GRHL2: variants seen among roughly 807,000 people sequenced by gnomAD.
The protein encoded by GRHL2 is grainyhead-like protein 2 homolog.
Under a neutral mutation model 83.8 loss-of-function variants are expected in GRHL2, and 21 were observed. That is an observed-to-expected ratio of 0.25 (90% CI 0.18 to 0.36). The LOEUF (loss-of-function observed/expected upper bound fraction) is 0.36, where lower values mean the gene tolerates loss of function less well. Ranked by LOEUF, GRHL2 falls within the 10% of genes least tolerant of loss-of-function variation. GRHL2 has a pLI of 1.00. For synonymous variants in GRHL2, 280 were observed against 278.9 expected (o/e 1.00, Z -0.04); for missense variants, 623 against 781.8 (o/e 0.80, Z 2.42).
At chr8:101,673,215 A>T (rs540637789), downstream of GRHL2, among the ~76,000 whole-genome samples, 55 of 152,206 alleles carry the variant, frequency 3.6e-4, no homozygotes, top group Admixed American at 3.2e-3. Flanking sequence ...ATTAACCTTA[A>T]ATGTAAATGG....
chr8:101,614,853 G>A (rs866508620), intron 8 of GRHL2, among the ~76,000 whole-genome samples: 2 of 152,218 alleles, frequency 1.3e-5, no homozygotes, highest in Admixed American at 6.5e-5. Context: ...GGTTTTGAGT[G>A]CAGCACAGCG....
At chr8:101,521,001 A>G (rs1365563828) in intron 1 of GRHL2, among the ~76,000 whole-genome samples, 1 of 152,180 alleles carries the variant, frequency 6.6e-6, no homozygotes, top group African/African-American at 2.4e-5. Context: ...ATCCTCCATC[A>G]GTCTGAGTTC....
intron 12 of GRHL2, among the ~76,000 whole-genome samples, chr8:101,642,682 A>G (rs1813426418): frequency 6.6e-6 from 1 of 152,204 alleles, no homozygotes; most frequent in South Asian, 2.1e-4. Flanking sequence ...AGTTGTTTCC[A>G]TAGTTTGACT....
intron 7 of GRHL2, 119 bp from the exon 8 acceptor site, chr8:101,598,938 T>G: frequency 1.4e-6 from 1 of 718,176 alleles, no homozygotes. Context: ...ACTGTTAGCA[T>G]GGAGATAGCC....
chr8:101,598,581 A>T (rs1410314957), intron 7 of GRHL2, among the ~76,000 whole-genome samples: 3 of 117,654 alleles, frequency 2.5e-5, no homozygotes, highest in Non-Finnish European at 3.5e-5. Flanking sequence ...GGTCTCCTGA[A>T]TTTTTTTTTT....
intron 1 of GRHL2, among the ~76,000 whole-genome samples, chr8:101,507,087 A>T (rs1476525854): frequency 6.6e-6 from 1 of 152,182 alleles, no homozygotes; most frequent in Non-Finnish European, 1.5e-5. Flanking sequence ...CTATGGGCTA[A>T]CAGAGGCCTG....
intron 9 of GRHL2, among the ~76,000 whole-genome samples, chr8:101,628,968 G>T (rs535675806): frequency 6.6e-6 from 1 of 152,248 alleles, no homozygotes; most frequent in African/African-American, 2.4e-5. Flanking sequence ...TGGTGAAGAG[G>T]CTGTGAACAT....
At chr8:101,505,986 A>G (rs914240753) in intron 1 of GRHL2, among the ~76,000 whole-genome samples, 1 of 152,252 alleles carries the variant, frequency 6.6e-6, no homozygotes, top group African/African-American at 2.4e-5. Flanking sequence ...TAAACATGCT[A>G]TTTAGAGCTT....
chr8:101,508,883 A>G (rs535680643), intron 1 of GRHL2, among the ~76,000 whole-genome samples: 4 of 152,178 alleles, frequency 2.6e-5, no homozygotes, highest in Non-Finnish European at 5.9e-5. Flanking sequence ...TAGAAAAAAC[A>G]TAATTTAGGA....
the GRHL2 span, among the ~76,000 whole-genome samples, chr8:101,681,200 A>AG: frequency 6.7e-6 from 1 of 148,542 alleles, no homozygotes; most frequent in Non-Finnish European, 1.5e-5. Context: ...AAAGAAGAAA[A>AG]GAGAGAAGAA....
intron 4 of GRHL2, among the ~76,000 whole-genome samples, chr8:101,563,523 T>G (rs1022860378): frequency 6.6e-6 from 1 of 152,132 alleles, no homozygotes; most frequent in Non-Finnish European, 1.5e-5. Context: ...CCTGCTGTAT[T>G]CTGTGGAATC....
At chr8:101,558,039 T>C (rs1229141065) in intron 3 of GRHL2, among the ~76,000 whole-genome samples, 4 of 152,168 alleles carry the variant, frequency 2.6e-5, no homozygotes, top group South Asian at 2.1e-4. Context: ...TAATTTTTTG[T>C]ATTTTTTTGT....
At chr8:101,652,460 T>G in intron 14 of GRHL2, among the ~76,000 whole-genome samples, 1 of 82,256 alleles carries the variant, frequency 1.2e-5, no homozygotes, top group African/African-American at 6.6e-5. Flanking sequence ...GTGTGTCTGG[T>G]GTGTGTGGTG....
At chr8:101,525,287 A>G (rs949375350) in intron 1 of GRHL2, among the ~76,000 whole-genome samples, 2 of 152,168 alleles carry the variant, frequency 1.3e-5, no homozygotes, top group Non-Finnish European at 2.9e-5. Flanking sequence ...TTTCTAGAGC[A>G]GTGCTTCTCA....
intron 13 of GRHL2, among the ~76,000 whole-genome samples, chr8:101,647,751 T>G (rs989244748): frequency 6.6e-6 from 1 of 151,346 alleles, no homozygotes; most frequent in African/African-American, 2.4e-5. Flanking sequence ...TTTCTTTTTC[T>G]TTTTTTTTCA....
intron 7 of GRHL2, among the ~76,000 whole-genome samples, chr8:101,591,618 C>G (rs997808776): frequency 6.6e-6 from 1 of 152,162 alleles, no homozygotes; most frequent in Non-Finnish European, 1.5e-5. Context: ...AAAAGTGTGG[C>G]TTTTTGCATC....
At chr8:101,636,824 G>A (rs570079997) in intron 11 of GRHL2, 73 bp from the exon 12 acceptor site, 1 of 1,343,070 alleles carries the variant, frequency 7.4e-7, no homozygotes, top group East Asian at 2.3e-5. Flanking sequence ...CCTTAGGAAA[G>A]TCTGTACATC....
At chr8:101,671,847 G>A (rs1296696139), downstream of GRHL2, among the ~76,000 whole-genome samples, 3 of 152,188 alleles carry the variant, frequency 2.0e-5, no homozygotes, top group African/African-American at 7.2e-5. Context: ...AACTTTCAGA[G>A]GAACGATCAC....
chr8:101,616,472 G>A (rs1387384287), intron 8 of GRHL2, among the ~76,000 whole-genome samples: 1 of 152,106 alleles, frequency 6.6e-6, no homozygotes, highest in Non-Finnish European at 1.5e-5. Context: ...CGCCCAGCCT[G>A]TGTGTTCTTT....
Sources: allele counts gnomAD v4.1 joint callset (sites outside exome capture counted in the v4.1 genomes callset), GRCh38; gene constraint gnomAD v4.1.1; transcripts MANE v1.5; gene names NCBI Gene and HGNC (gene_info 2026-07-23, HGNC 2026-07-21).